The following EIPR1 variants were observed in gnomAD, a reference collection of about 807,000 sequenced individuals.
EIPR1 encodes EARP and GARP complex-interacting protein 1.
Under a neutral mutation model 48.1 loss-of-function variants are expected in EIPR1, and 25 were observed. The ratio of observed to expected loss-of-function variants is 0.52; its 90% CI spans 0.38 to 0.73. EIPR1 has a LOEUF of 0.73. Ranked by LOEUF, EIPR1 falls within the 30% of genes least tolerant of loss-of-function variation. The pLI is 0.00. For synonymous variants in EIPR1, 204 were observed against 201.9 expected (o/e 1.01, Z -0.09); for missense variants, 415 against 506.2 (o/e 0.82, Z 1.73).
intron 2 of EIPR1, among the ~76,000 whole-genome samples, chr2:3,338,989 A>G (rs1241331546): frequency 6.6e-6 from 1 of 151,618 alleles, no homozygotes; most frequent in African/African-American, 2.4e-5. Context: ...TGAAATAAAA[A>G]AAATTAGAAG....
chr2:3,268,370 G>C (rs930340423), intron 3 of EIPR1, among the ~76,000 whole-genome samples: 2 of 152,164 alleles, frequency 1.3e-5, no homozygotes, highest in Admixed American at 6.5e-5. Context: ...GCACTCCAGA[G>C]GGCAGCCTCC....
intron 3 of EIPR1, among the ~76,000 whole-genome samples, chr2:3,323,033 C>A (rs1669583545): frequency 6.6e-6 from 1 of 152,098 alleles, no homozygotes; most frequent in Non-Finnish European, 1.5e-5. Context: ...TCTTCATAAC[C>A]TCTGGCTCTT....
chr2:3,254,914 G>A (rs1342405313), intron 4 of EIPR1, among the ~76,000 whole-genome samples: 1 of 152,228 alleles, frequency 6.6e-6, no homozygotes, highest in African/African-American at 2.4e-5. Flanking sequence ...TCCTGTTTGT[G>A]ATACAGTACC....
intron 3 of EIPR1, among the ~76,000 whole-genome samples, chr2:3,322,919 G>C (rs1310552950): frequency 6.6e-6 from 1 of 152,226 alleles, no homozygotes; most frequent in Non-Finnish European, 1.5e-5. Context: ...GCGAGTGGGT[G>C]ATCTGGCTGG....
chr2:3,257,589 G>A (rs573461941), intron 3 of EIPR1, 134 bp from the exon 4 acceptor site: 2 of 1,105,834 alleles, frequency 1.8e-6, no homozygotes, highest in Non-Finnish European at 2.5e-6. Context: ...ATTGCAGGCA[G>A]CAAAGACGGA....
At chr2:3,236,050 C>T (rs1007922848) in intron 4 of EIPR1, among the ~76,000 whole-genome samples, 2 of 152,100 alleles carry the variant, frequency 1.3e-5, no homozygotes, top group Admixed American at 6.5e-5. Flanking sequence ...ATGCTAAGAG[C>T]GCCTCCACAT....
chr2:3,323,756 T>C (rs1348784074), intron 3 of EIPR1, among the ~76,000 whole-genome samples: 4 of 152,202 alleles, frequency 2.6e-5, no homozygotes, highest in Non-Finnish European at 5.9e-5. Context: ...GCAACCTCTA[T>C]GAACCCTGTT....
At chr2:3,267,720 C>T (rs1382972802) in intron 3 of EIPR1, among the ~76,000 whole-genome samples, 2 of 152,244 alleles carry the variant, frequency 1.3e-5, no homozygotes, top group East Asian at 3.8e-4. Context: ...ACATGCTGTG[C>T]CCATCGGGCA....
chr2:3,218,593 C>G (rs1199751648), intron 4 of EIPR1, among the ~76,000 whole-genome samples: 1 of 149,178 alleles, frequency 6.7e-6, no homozygotes, highest in Non-Finnish European at 1.5e-5. Context: ...GGTGGACACC[C>G]AACACGGCCC....
Position 3,189,272 on chromosome 2 carries a change from T to C in EIPR1, c.*62A>G, listed in dbSNP as rs768622099. On this transcript the variant is annotated 3_prime_UTR_variant, in exon 9 of 9. Coordinates refer to ENST00000382125, the MANE Select transcript of EIPR1 (RefSeq NM_003310.5). The surrounding 1 kb of genome is among the most constrained non-coding windows in gnomAD (Gnocchi z 4.6). ...CGAGTCACCTCCAAAGAGCTGCGAC[T>C]GTTTGAGAATCTGCCAAGAGGAAAA... 71 of 1,439,994 alleles carry C rather than the reference T, an allele frequency of 4.9e-5. No individual in the cohort carries two copies. The highest frequency in any genetic ancestry group is 6.3e-5 in the Non-Finnish European group (68 of 1,079,258). The allele number at this position is 1,439,994 out of a possible 1,614,324, so 89.2% of individuals were successfully genotyped here.
At chr2:3,241,492 T>C (rs1002548196) in intron 4 of EIPR1, among the ~76,000 whole-genome samples, 6 of 152,232 alleles carry the variant, frequency 3.9e-5, no homozygotes, top group African/African-American at 9.6e-5. Flanking sequence ...ACCATCACCA[T>C]GAAACTAGTG....
intron 4 of EIPR1, among the ~76,000 whole-genome samples, chr2:3,246,867 A>G (rs576997096): frequency 1.5e-3 from 35 of 22,756 alleles, no homozygotes; most frequent in East Asian, 2.5e-3. Flanking sequence ...AAGGGAGGGA[A>G]GGAGGGAGGG....
intron 3 of EIPR1, among the ~76,000 whole-genome samples, chr2:3,281,975 T>C (rs1257610357): frequency 1.3e-5 from 2 of 152,156 alleles, no homozygotes; most frequent in Non-Finnish European, 2.9e-5. Flanking sequence ...TAGGTGGAAA[T>C]ACCAAGTTCA....
At chr2:3,351,720 C>A (rs1248594585) in intron 2 of EIPR1, among the ~76,000 whole-genome samples, 1 of 152,192 alleles carries the variant, frequency 6.6e-6, no homozygotes, top group Admixed American at 6.5e-5. Flanking sequence ...TACATACATA[C>A]ACATTCGGAA....
chr2:3,295,930 CTCCT>C lies in EIPR1; in HGVS notation c.260-38479_260-38476del, dbSNP rs1471571517. ...ACACACCCTCCATCCAGCCCATCCT[CTCCT>C]TGCACACACACACCCTCCATCCAGC... On this transcript the variant is annotated intron_variant, in intron 3 of 8. Transcript: ENST00000382125. 5.5e-4 allele frequency among the ~76,000 whole-genome samples: 73 copies of C among 133,806 alleles called. 1 individual carries two copies. The East Asian group carries it at 0.015, about 28-fold the overall frequency. The allele number at this position is 133,806 out of a possible 152,430, so 87.8% of individuals were successfully genotyped here. A position where few individuals can be genotyped will look rare whatever the true frequency, so the allele number is the denominator to read the frequency against.
intron 3 of EIPR1, among the ~76,000 whole-genome samples, chr2:3,261,033 G>A (rs1443223449): frequency 6.6e-6 from 1 of 152,174 alleles, no homozygotes; most frequent in Non-Finnish European, 1.5e-5. Context: ...CACAAAGCTT[G>A]GCTTGTTGAT....
intron 3 of EIPR1, among the ~76,000 whole-genome samples, chr2:3,270,098 AGATATG>A (rs1212700874): frequency 6.6e-6 from 1 of 152,256 alleles, no homozygotes; most frequent in Non-Finnish European, 1.5e-5. Flanking sequence ...AGATGGGCAG[AGATATG>A]GATCTTTATT....
chr2:3,373,199 C>A (rs1659748672), intron 1 of EIPR1, among the ~76,000 whole-genome samples: 1 of 151,738 alleles, frequency 6.6e-6, no homozygotes, highest in Non-Finnish European at 1.5e-5. Flanking sequence ...GCTAAAAACT[C>A]TCAATAAATT....
intron 3 of EIPR1, among the ~76,000 whole-genome samples, chr2:3,333,247 A>G (rs1205576486): frequency 3.3e-5 from 5 of 152,352 alleles, no homozygotes; most frequent in Admixed American, 2.0e-4. Flanking sequence ...ATTCTACCAC[A>G]CTGCAGACTT....
Sources: allele counts gnomAD v4.1 joint callset (sites outside exome capture counted in the v4.1 genomes callset), GRCh38; gene constraint gnomAD v4.1.1; non-coding constraint Gnocchi (gnomAD v3.1); transcripts MANE v1.5; gene names NCBI Gene and HGNC (gene_info 2026-07-23, HGNC 2026-07-21).